The following PHF14 variants were observed in gnomAD, a reference collection of about 807,000 sequenced individuals.
PHF14 encodes PHD finger protein 14.
PHF14 carries 55 observed loss-of-function variants against 117.9 expected under a neutral mutation model. That is an observed-to-expected ratio of 0.47 (90% CI 0.38 to 0.58). The LOEUF (loss-of-function observed/expected upper bound fraction) is 0.58, where lower values mean the gene tolerates loss of function less well. Among genes scored for constraint, PHF14 ranks in the 20% least tolerant of loss-of-function variants. The pLI is 0.00. For synonymous variants in PHF14, 409 were observed against 368.6 expected, an observed-to-expected ratio of 1.11 and a Z score of -1.26; for missense variants, 978 against 1,122.2, an observed-to-expected ratio of 0.87 and a Z score of 1.84.
chr7:11,168,019 CAAAA>C (rs35327585), intron 17 of PHF14, among the ~76,000 whole-genome samples: 1 of 122,594 alleles, frequency 8.2e-6, no homozygotes, highest in Non-Finnish European at 1.8e-5. Flanking sequence ...GAGTCCGTCT[CAAAA>C]AAAAAAAAAA....
intron 10 of PHF14, among the ~76,000 whole-genome samples, chr7:11,037,513 A>G (rs1025047557): frequency 6.6e-6 from 1 of 152,158 alleles, no homozygotes; most frequent in Non-Finnish European, 1.5e-5. Context: ...ATTGCTATAG[A>G]GCTTCACTTT....
intron 14 of PHF14, among the ~76,000 whole-genome samples, chr7:11,055,393 G>A (rs2128327754): frequency 6.6e-6 from 1 of 152,050 alleles, no homozygotes; most frequent in Admixed American, 6.6e-5. Flanking sequence ...GGACTTGTTG[G>A]GACCTCTCTT....
At chr7:11,160,769 T>A (rs1788999677) in intron 17 of PHF14, among the ~76,000 whole-genome samples, 1 of 152,168 alleles carries the variant, frequency 6.6e-6, no homozygotes, top group Admixed American at 6.6e-5. Flanking sequence ...GAGTCATTTG[T>A]TTTTTGCTTT....
At chr7:11,046,498 G>GT (rs1784668667) in intron 13 of PHF14, among the ~76,000 whole-genome samples, 2 of 152,014 alleles carry the variant, frequency 1.3e-5, no homozygotes, top group African/African-American at 4.8e-5. Context: ...TTTACAGAGG[G>GT]TTTTTTCCTT....
chr7:11,002,557 G>A (rs939919787), intron 4 of PHF14, among the ~76,000 whole-genome samples: 3 of 151,996 alleles, frequency 2.0e-5, no homozygotes. Context: ...TCCTGTCTCA[G>A]CCTCCCAGAG....
At chr7:11,104,394 C>T (rs1787187863) in intron 16 of PHF14, 1 of 953,078 alleles carries the variant, frequency 1.0e-6, no homozygotes, top group African/African-American at 1.8e-5. Context: ...TCCTAATAAT[C>T]TCTTAAATGC....
At chr7:11,020,829 A>G (rs1783709925) in intron 5 of PHF14, among the ~76,000 whole-genome samples, 1 of 152,148 alleles carries the variant, frequency 6.6e-6, no homozygotes, top group African/African-American at 2.4e-5. Context: ...AGAAGCTTTT[A>G]GGCTTTTTTT....
At chr7:11,113,399 G>A (rs780346943) in intron 17 of PHF14, among the ~76,000 whole-genome samples, 30 of 152,064 alleles carry the variant, frequency 2.0e-4, no homozygotes, top group Admixed American at 3.3e-4. Context: ...GAGTGGAAAT[G>A]CGTTAGGAAG....
At chr7:11,096,583 C>G (rs967320170) in intron 16 of PHF14, among the ~76,000 whole-genome samples, 1 of 152,064 alleles carries the variant, frequency 6.6e-6, no homozygotes, top group African/African-American at 2.4e-5. Flanking sequence ...TGGGACAGAA[C>G]CCAGCAGCCT....
At position 10,990,759 on chromosome 7, in the gene PHF14, T is replaced by G; in HGVS notation, c.957T>G (p.Ile319Met). 1 of 1,576,514 alleles carries G rather than the reference T, an allele frequency of 6.3e-7. No individual in the cohort carries two copies. Among genetic ancestry groups the G allele is most frequent in the Non-Finnish European group, 8.6e-7 (1 of 1,157,994 alleles). Reference sequence around the variant, plus strand: ...GGAGCTCTCAAAAAATGGACCATATTCTGATTTGCTGTGTTTGTCTGGGAG... The same window carrying G: ...GGAGCTCTCAAAAAATGGACCATATGCTGATTTGCTGTGTTTGTCTGGGAG... ...QNWSSQKMDH[I>M]LICCVCLGDN... The change falls in exon 4 of 18, where the codon ATT (isoleucine) becomes ATG (methionine). Residue 319 changes from isoleucine to methionine, a missense_variant. By Grantham distance (10) the Ile-to-Met change is conservative. This residue lies in a region of PHF14 where 414 missense variants were observed against 376.4 expected (regional missense o/e 1.10). Coordinates refer to ENST00000634607, the MANE Select transcript of PHF14 (RefSeq NM_001007157.2).
At chr7:10,996,641 A>T (rs73678542) in intron 4 of PHF14, among the ~76,000 whole-genome samples, 2 of 152,228 alleles carry the variant, frequency 1.3e-5, no homozygotes, top group African/African-American at 4.8e-5. Flanking sequence ...TGATTCATTA[A>T]ATAAATATAA....
chr7:11,087,352 C>T (rs566294706), intron 16 of PHF14, among the ~76,000 whole-genome samples: 38 of 152,106 alleles, frequency 2.5e-4, no homozygotes, highest in African/African-American at 8.9e-4. Flanking sequence ...CCACCATGCC[C>T]AGCTAATTTT....
intron 17 of PHF14, among the ~76,000 whole-genome samples, chr7:11,129,659 T>C (rs967837979): frequency 6.6e-6 from 1 of 151,442 alleles, no homozygotes; most frequent in African/African-American, 2.4e-5. Context: ...GCAATAGGAG[T>C]CTCATTTTTA....
intron 17 of PHF14, among the ~76,000 whole-genome samples, chr7:11,153,972 T>TGTGTGTGTGTGTGTG (rs1562488381): frequency 6.6e-6 from 1 of 151,324 alleles, no homozygotes; most frequent in African/African-American, 2.4e-5. Flanking sequence ...TGTGTGTGTG[T>TGTGTGTGTGTGTGTG]TTTAAGAATA....
chr7:11,072,863 GAAC>G (rs1785671127), intron 16 of PHF14, among the ~76,000 whole-genome samples: 1 of 152,142 alleles, frequency 6.6e-6, no homozygotes, highest in South Asian at 2.1e-4. Context: ...CACATAGAGT[GAAC>G]AACAGAGAAA....
intron 14 of PHF14, 50 bp from the exon 15 acceptor site, chr7:11,061,741 A>G (rs1343502776): frequency 1.6e-5 from 21 of 1,322,042 alleles, no homozygotes; most frequent in Non-Finnish European, 1.9e-5. Flanking sequence ...ATTAAACATT[A>G]GATATACTGT....
chr7:11,014,760 G>A (rs192760880), intron 5 of PHF14: 26 of 152,296 alleles, frequency 1.7e-4, no homozygotes, highest in Non-Finnish European at 7.3e-5. Flanking sequence ...TGCAGAGTAG[G>A]TATTGAAGCA....
chr7:11,098,364 A>G (rs954019668), intron 16 of PHF14, among the ~76,000 whole-genome samples: 1 of 151,774 alleles, frequency 6.6e-6, no homozygotes, highest in Non-Finnish European at 1.5e-5. Context: ...CTGCCATGTT[A>G]TTCTGTTCAC....
At chr7:11,120,384 A>G (rs1787715838) in intron 17 of PHF14, among the ~76,000 whole-genome samples, 1 of 152,014 alleles carries the variant, frequency 6.6e-6, no homozygotes, top group Non-Finnish European at 1.5e-5. Flanking sequence ...TAATACTCTG[A>G]TTTTCAAATG....
Sources: allele counts gnomAD v4.1 joint callset (sites outside exome capture counted in the v4.1 genomes callset), GRCh38; gene constraint gnomAD v4.1.1; regional missense constraint gnomAD v4.1.1; transcripts MANE v1.5; gene names NCBI Gene and HGNC (gene_info 2026-07-23, HGNC 2026-07-21).